FSTL1: variants seen among roughly 807,000 people sequenced by gnomAD.
The protein encoded by FSTL1 is follistatin like 1, also known as follistatin-related protein 1.
In FSTL1, 24 loss-of-function variants were observed where a neutral mutation model predicts 45.9. The ratio of observed to expected loss-of-function variants is 0.52; its 90% CI spans 0.38 to 0.74. FSTL1 has a LOEUF of 0.74. Ranked by LOEUF, FSTL1 falls within the 30% of genes least tolerant of loss-of-function variation. FSTL1 has a pLI of 0.00. For synonymous variants in FSTL1, 120 were observed against 137.6 expected (o/e 0.87, Z 0.89); for missense variants, 340 against 381.8 (o/e 0.89, Z 0.91).
chr3:120,399,681 G>A (rs1236172904), intron 10 of FSTL1, among the ~76,000 whole-genome samples: 1 of 152,134 alleles, frequency 6.6e-6, no homozygotes, highest in East Asian at 1.9e-4. Flanking sequence ...TATGTGTTGA[G>A]ACCTACTGGG....
At chr3:120,443,824 T>C (rs1289808260) in intron 2 of FSTL1, among the ~76,000 whole-genome samples, 2 of 149,832 alleles carry the variant, frequency 1.3e-5, no homozygotes, top group East Asian at 3.8e-4. Flanking sequence ...ATCTAAAGTC[T>C]GTGAAAAGAT....
chr3:120,401,325 T>C (rs78770753), intron 9 of FSTL1, among the ~76,000 whole-genome samples: 2 of 152,316 alleles, frequency 1.3e-5, no homozygotes, highest in Non-Finnish European at 2.9e-5. Flanking sequence ...TCCTGTTCCT[T>C]CACCTGTCCC....
At chr3:120,427,228 T>C (rs573914261) in intron 2 of FSTL1, among the ~76,000 whole-genome samples, 1 of 152,368 alleles carries the variant, frequency 6.6e-6, no homozygotes, top group East Asian at 1.9e-4. Flanking sequence ...AGTGACCTTT[T>C]ACTTTCTACT....
Position 120,444,458 on chromosome 3 carries a change from A to G in FSTL1, c.63+6226T>C, listed in dbSNP as rs1937694210. Reference sequence around the variant, plus strand: ...ATGGGTAAGGGAGAGGGTAATGGTAATATGTATGCCACGTCTGTGCCATCT... The same window carrying G: ...ATGGGTAAGGGAGAGGGTAATGGTAGTATGTATGCCACGTCTGTGCCATCT... On this transcript the variant is annotated intron_variant, in intron 2 of 10. Coordinates refer to ENST00000295633, the MANE Select transcript of FSTL1 (RefSeq NM_007085.5). Among the ~76,000 whole-genome samples the G allele has an allele frequency of 2.0e-5, 3 of 149,614 alleles. No homozygotes were observed. In the South Asian group the frequency reaches 6.2e-4, roughly 31 times the overall value.
intron 2 of FSTL1, among the ~76,000 whole-genome samples, chr3:120,443,476 T>C (rs1472607747): frequency 6.7e-5 from 10 of 149,768 alleles, no homozygotes; most frequent in African/African-American, 2.3e-4. Context: ...TTAACTGTCA[T>C]TGAAGGATAA....
In FSTL1 at chr3:120,399,870, G is replaced by A. The variant is rs751149012; in HGVS notation, c.882+13C>T. The A allele has an allele frequency of 6.3e-7, 1 of 1,576,044 alleles. No homozygotes were observed. The highest frequency in any genetic ancestry group is 8.7e-7 in the Non-Finnish European group (1 of 1,152,056). ...ACAGCAACACCTGAACCAGCACGGAGGCTGCCACTCACCTGATGCTTTTGG... is the reference window on the plus strand; with the variant it reads ...ACAGCAACACCTGAACCAGCACGGAAGCTGCCACTCACCTGATGCTTTTGG... On this transcript the variant is annotated intron_variant, in intron 10 of 10. Coordinates refer to ENST00000295633, the MANE Select transcript of FSTL1 (RefSeq NM_007085.5).
At chr3:120,444,977 A>C (rs1021218115) in intron 2 of FSTL1, among the ~76,000 whole-genome samples, 2 of 149,840 alleles carry the variant, frequency 1.3e-5, no homozygotes, top group African/African-American at 5.1e-5. Flanking sequence ...GTCAATGTTA[A>C]GTTTTTTGCT....
At chr3:120,424,282 A>T (rs1238710033) in intron 2 of FSTL1, among the ~76,000 whole-genome samples, 1 of 152,194 alleles carries the variant, frequency 6.6e-6, no homozygotes, top group African/African-American at 2.4e-5. Context: ...AGCCTGGGTG[A>T]CAGAGTGAGA....
intron 9 of FSTL1, 107 bp from the exon 10 acceptor site, chr3:120,400,066 G>T: frequency 1.3e-6 from 1 of 767,156 alleles, no homozygotes. Context: ...TTAACTTGTG[G>T]AAGGAGAGGT....
chr3:120,428,411 T>C (rs1937420595), intron 2 of FSTL1, among the ~76,000 whole-genome samples: 2 of 152,066 alleles, frequency 1.3e-5, no homozygotes, highest in Admixed American at 1.3e-4. Flanking sequence ...AGACCCAGCA[T>C]AGCAAAGTAG....
intron 2 of FSTL1, among the ~76,000 whole-genome samples, chr3:120,446,392 C>G (rs1239101052): frequency 6.6e-6 from 1 of 152,200 alleles, no homozygotes; most frequent in Non-Finnish European, 1.5e-5. Flanking sequence ...GTCACCCAAT[C>G]CAGAGACTTC....
At chr3:120,443,843 A>G (rs1295841467) in intron 2 of FSTL1, among the ~76,000 whole-genome samples, 1 of 149,834 alleles carries the variant, frequency 6.7e-6, no homozygotes, top group Non-Finnish European at 1.5e-5. Context: ...ATTAAATGGA[A>G]ATCCTCCAAC....
At chr3:120,433,268 C>T (rs1024145210) in intron 2 of FSTL1, among the ~76,000 whole-genome samples, 1 of 152,190 alleles carries the variant, frequency 6.6e-6, no homozygotes, top group Non-Finnish European at 1.5e-5. Context: ...GACTGAGAGA[C>T]TTAGAATCCA....
At chr3:120,444,183 T>C (rs1450545769) in intron 2 of FSTL1, among the ~76,000 whole-genome samples, 1 of 149,850 alleles carries the variant, frequency 6.7e-6, no homozygotes, top group East Asian at 1.9e-4. Flanking sequence ...CTATCATCTA[T>C]TACCCTATGT....
intron 2 of FSTL1, among the ~76,000 whole-genome samples, chr3:120,429,474 C>G (rs1316898215): frequency 6.6e-6 from 1 of 152,156 alleles, no homozygotes; most frequent in Non-Finnish European, 1.5e-5. Context: ...ACATGGTCAC[C>G]TTAATTACTA....
chr3:120,450,729 G>C lies in FSTL1; in HGVS notation c.18C>G (p.Leu6=), dbSNP rs750108944. 4.4e-6 allele frequency: 7 copies of C among 1,579,284 alleles called. No individual in the cohort carries two copies. Among genetic ancestry groups the C allele is most frequent in the South Asian group, 1.1e-5 (1 of 87,984 alleles). MWKRW[L]ALALALVAVA... is the part of the protein sequence containing the mutation. ...CCGCCACCAGCGCGAGCGCGAGCGCGAGCCAGCGTTTCCACATCTGCGGAA... is the reference window on the plus strand; with the variant it reads ...CCGCCACCAGCGCGAGCGCGAGCGCCAGCCAGCGTTTCCACATCTGCGGAA... The change falls in exon 2 of 11, where the codon CTC becomes CTG. Residue 6 remains leucine, a synonymous_variant. Transcript: ENST00000295633.
Position 120,428,750 on chromosome 3 carries a change from G to GCAACAA in FSTL1, c.64-12729_64-12724dup, listed in dbSNP as rs71156800. 8.1e-4 allele frequency among the ~76,000 whole-genome samples: 123 copies of GCAACAA among 151,046 alleles called. 1 individual carries two copies. Among genetic ancestry groups the GCAACAA allele is most frequent in the Middle Eastern group, 6.8e-3 (2 of 294 alleles). On this transcript the variant is annotated intron_variant, in intron 2 of 10. Coordinates refer to ENST00000295633, the MANE Select transcript of FSTL1 (RefSeq NM_007085.5). ...CTCTGTCTCAGACAAAAAACAAACA[G>GCAACAA]CAACAACAACAACAACAACAACAAA...
At chr3:120,424,668 G>A (rs186908889) in intron 2 of FSTL1, among the ~76,000 whole-genome samples, 274 of 152,238 alleles carry the variant, frequency 1.8e-3, no homozygotes, top group African/African-American at 6.5e-3. Context: ...GGTTATAGAA[G>A]GAAGGGATCC....
chr3:120,444,393 C>T (rs77940024), intron 2 of FSTL1, among the ~76,000 whole-genome samples: 3,275 of 149,570 alleles, frequency 0.022, 501 homozygotes, highest in African/African-American at 0.081. Context: ...TCTCCAAGTT[C>T]AGTAGGAAAG....
Sources: allele counts gnomAD v4.1 joint callset (sites outside exome capture counted in the v4.1 genomes callset), GRCh38; gene constraint gnomAD v4.1.1; transcripts MANE v1.5; gene names NCBI Gene and HGNC (gene_info 2026-07-23, HGNC 2026-07-21).